Variants in WDR7 observed in about 807,000 individuals in gnomAD.
WDR7 encodes the protein WD repeat-containing protein 7.
Under a neutral mutation model 169.4 loss-of-function variants are expected in WDR7, and 46 were observed. The observed-to-expected ratio is 0.27, with a 90% CI of 0.21 to 0.35. The LOEUF is 0.35. WDR7 is among the 10% of genes least tolerant of loss of function. WDR7 has a pLI of 1.00. For missense variants in WDR7, 1,534 were observed against 1,859.3 expected (o/e 0.83, Z 3.22); for synonymous variants, 612 against 666.8 (o/e 0.92, Z 1.27).
At chr18:57,015,832 C>G (rs143934977) in intron 26 of WDR7, among the ~76,000 whole-genome samples, 39 of 152,324 alleles carry the variant, frequency 2.6e-4, no homozygotes, top group African/African-American at 8.2e-4. Context: ...TTGGTATTGC[C>G]TCTCCTTTTG....
chr18:56,787,892 C>T lies in WDR7; in HGVS notation c.3190+6236C>T, dbSNP rs73958325. On this transcript the variant is annotated intron_variant, in intron 19 of 27. Coordinates refer to ENST00000254442, the MANE Select transcript of WDR7 (RefSeq NM_015285.3). ...AATATTAGTGTATTCTTTGGTAGGC[C>T]GATATTTTTAGGGTTTGTTCGTAGG... 5.0e-3 allele frequency among the ~76,000 whole-genome samples: 760 copies of T among 151,998 alleles called. 11 individuals carry two copies. The highest frequency in any genetic ancestry group is 0.018 in the African/African-American group (731 of 41,434).
chr18:56,832,385 C>T (rs1221685537), intron 20 of WDR7, among the ~76,000 whole-genome samples: 4 of 152,250 alleles, frequency 2.6e-5, no homozygotes, highest in South Asian at 4.1e-4. Context: ...ACAGAGCACC[C>T]GGGGAAAGGG....
At chr18:56,950,948 A>G (rs186010870) in intron 25 of WDR7, among the ~76,000 whole-genome samples, 21 of 152,298 alleles carry the variant, frequency 1.4e-4, no homozygotes, top group East Asian at 1.2e-3. Flanking sequence ...TTGAAGTGCC[A>G]TTCTCAAATT....
chr18:56,842,639 C>T (rs1394664939), intron 20 of WDR7, among the ~76,000 whole-genome samples: 4 of 152,116 alleles, frequency 2.6e-5, no homozygotes, highest in African/African-American at 9.7e-5. Flanking sequence ...TTCAAAATTC[C>T]CATTGAAGTA....
chr18:56,948,473 G>A (rs62098603), intron 25 of WDR7, among the ~76,000 whole-genome samples: 105 of 151,394 alleles, frequency 6.9e-4, no homozygotes, highest in Non-Finnish European at 1.4e-3. Flanking sequence ...AAAAATATAC[G>A]CCCTCAATGT....
At chr18:56,662,130 GTA>G (rs1259431025) in intron 1 of WDR7, among the ~76,000 whole-genome samples, 4 of 152,188 alleles carry the variant, frequency 2.6e-5, no homozygotes, top group Admixed American at 2.6e-4. Flanking sequence ...GCCAATTCAT[GTA>G]TGCGCATCCT....
chr18:57,005,901 T>C (rs1382206211), intron 26 of WDR7, among the ~76,000 whole-genome samples: 1 of 152,224 alleles, frequency 6.6e-6, no homozygotes, highest in African/African-American at 2.4e-5. Context: ...ATGTGGCCCA[T>C]AGACCACAGG....
At chr18:56,729,192 A>T (rs1261793093) in intron 13 of WDR7, among the ~76,000 whole-genome samples, 1 of 152,242 alleles carries the variant, frequency 6.6e-6, no homozygotes, top group Non-Finnish European at 1.5e-5. Flanking sequence ...GAGCTAGAGC[A>T]GTAAATTCTA....
chr18:56,924,143 T>G, intron 22 of WDR7, 35 bp downstream of exon 22: 1 of 1,602,884 alleles, frequency 6.2e-7, no homozygotes, highest in Non-Finnish European at 8.5e-7. Context: ...AATTTGTCAC[T>G]GTTTTTTGTT....
At chr18:56,931,830 A>G (rs7239692) in intron 22 of WDR7, among the ~76,000 whole-genome samples, 37,749 of 152,056 alleles carry the variant, frequency 0.25, 8,693 homozygotes, top group African/African-American at 0.62. Flanking sequence ...GCAAAATACT[A>G]GAATAAAATA....
chr18:56,744,161 C>A (rs1352452308), intron 14 of WDR7, among the ~76,000 whole-genome samples: 1 of 148,040 alleles, frequency 6.8e-6, no homozygotes, highest in African/African-American at 2.5e-5. Flanking sequence ...ATGGCGTGAA[C>A]CCGGGAGGCG....
intron 21 of WDR7, among the ~76,000 whole-genome samples, chr18:56,883,884 A>G (rs531965719): frequency 2.0e-5 from 3 of 152,122 alleles, no homozygotes; most frequent in Non-Finnish European, 4.4e-5. Flanking sequence ...GTGTGTATAT[A>G]TACCACAATT....
intron 20 of WDR7, among the ~76,000 whole-genome samples, chr18:56,827,853 GA>G (rs755477230): frequency 4.9e-4 from 75 of 151,814 alleles, no homozygotes; most frequent in Non-Finnish European, 3.2e-4. Flanking sequence ...CCACAAAAAT[GA>G]AAAATTTAAA....
At chr18:56,772,583 A>G (rs1157982769) in intron 16 of WDR7, among the ~76,000 whole-genome samples, 2 of 152,158 alleles carry the variant, frequency 1.3e-5, no homozygotes, top group Admixed American at 6.5e-5. Flanking sequence ...GTCCAAGGAA[A>G]GAAGTATGAT....
chr18:56,746,556 T>C (rs1439158859), intron 14 of WDR7, among the ~76,000 whole-genome samples: 1 of 152,166 alleles, frequency 6.6e-6, no homozygotes, highest in African/African-American at 2.4e-5. Context: ...CTCCTACTCA[T>C]CTCATGAGCA....
chr18:56,821,319 T>C (rs1443789430), intron 20 of WDR7, among the ~76,000 whole-genome samples: 1 of 152,204 alleles, frequency 6.6e-6, no homozygotes, highest in African/African-American at 2.4e-5. Context: ...ACATGAGCCT[T>C]ATGAAATTAC....
intron 12 of WDR7, among the ~76,000 whole-genome samples, chr18:56,700,097 T>G (rs1300803151): frequency 6.6e-6 from 1 of 151,890 alleles, no homozygotes. Flanking sequence ...GTGGGACTTT[T>G]AATTACTTAA....
At chr18:56,927,092 A>AG (rs2046818820) in intron 22 of WDR7, among the ~76,000 whole-genome samples, 1 of 152,178 alleles carries the variant, frequency 6.6e-6, no homozygotes, top group African/African-American at 2.4e-5. Flanking sequence ...TTATTGAAAA[A>AG]GAAAAAAAAA....
At chr18:56,963,875 A>G (rs961948886) in intron 26 of WDR7, among the ~76,000 whole-genome samples, 1 of 152,150 alleles carries the variant, frequency 6.6e-6, no homozygotes, top group East Asian at 1.9e-4. Context: ...AGTTTTTAAA[A>G]CTGGAGTATA....
Sources: allele counts gnomAD v4.1 joint callset (sites outside exome capture counted in the v4.1 genomes callset), GRCh38; gene constraint gnomAD v4.1.1; transcripts MANE v1.5; gene names NCBI Gene and HGNC (gene_info 2026-07-23, HGNC 2026-07-21).